Variants in APOA1 observed in about 807,000 individuals in gnomAD.
APOA1 encodes apolipoprotein A1.
A neutral mutation model predicts 25.9 loss-of-function variants in APOA1; 22 were observed. The observed-to-expected ratio is 0.85, with a 90% CI of 0.61 to 1.21. The LOEUF is 1.21. Ranked by LOEUF, APOA1 falls within the 50% of genes most tolerant of loss-of-function variation. The probability of loss-of-function intolerance (pLI) is 0.00; values close to 1 mark genes in which losing one functional copy is unlikely to be tolerated. For synonymous variants in APOA1, 163 were observed against 152.2 expected, an observed-to-expected ratio of 1.07 and a Z score of -0.52; for missense variants, 351 against 347.9, an observed-to-expected ratio of 1.01 and a Z score of -0.07.
chr11:116,836,975 C>T (rs1337709992), intron 3 of APOA1, 26 bp downstream of exon 3: 2 of 1,613,456 alleles, frequency 1.2e-6, no homozygotes, highest in Admixed American at 1.7e-5. Context: ...CCTACCCCTG[C>T]CCTCAACCCC....
intron 3 of APOA1, 55 bp from the exon 4 acceptor site, chr11:116,836,466 A>C: frequency 1.2e-6 from 2 of 1,605,952 alleles, no homozygotes; most frequent in South Asian, 2.2e-5. Context: ...CCAGCCTATC[A>C]GGGGTGAGCC....
intron 3 of APOA1, among the ~76,000 whole-genome samples, chr11:116,836,636 T>C (rs1171213586): frequency 6.6e-6 from 1 of 152,196 alleles, no homozygotes; most frequent in Admixed American, 6.5e-5. Flanking sequence ...CCCAGTTACG[T>C]TGGTCTCCAA....
At position 116,836,281 on chromosome 11, in the gene APOA1, T is replaced by C. The variant is rs1385641278; in HGVS notation, c.331A>G (p.Ser111Gly). 2 of 1,614,188 alleles carry C rather than the reference T, an allele frequency of 1.2e-6. No homozygotes were observed. The highest frequency in any genetic ancestry group is 1.1e-5 in the South Asian group (1 of 91,082). Residue 111 changes from serine to glycine, a missense_variant, in exon 4 of 4, where the codon AGC becomes GGC. By Grantham distance (56) the Ser-to-Gly change is moderately conservative. Transcript: ENST00000236850. Reference sequence around the variant, plus strand: ...GCCTTCACCTCCTCCAGATCCTTGCTCATCTCCTGCCTCAGGCCCTCTGTC... The same window carrying C: ...GCCTTCACCTCCTCCAGATCCTTGCCCATCTCCTGCCTCAGGCCCTCTGTC... ...KETEGLRQEMSKDLEEVKAKV... is the reference protein window; with the variant it reads ...KETEGLRQEMGKDLEEVKAKV...
intron 1 of APOA1, 98 bp downstream of exon 1, chr11:116,837,507 G>A (rs1305341410): frequency 1.6e-6 from 2 of 1,289,428 alleles, no homozygotes; most frequent in East Asian, 2.5e-5. Context: ...AGGGCACAGA[G>A]CGGGAGAAGA....
intron 3 of APOA1, 135 bp downstream of exon 3, chr11:116,836,866 C>G: frequency 9.8e-7 from 1 of 1,024,710 alleles, no homozygotes; most frequent in Non-Finnish European, 1.5e-6. Context: ...GATCCCATTC[C>G]AGTTTCTCCA....
At position 116,837,417 on chromosome 11, in the gene APOA1, A is replaced by G. The variant is rs932789656; in HGVS notation, c.-20-10T>C. 3 of 1,553,436 alleles carry G rather than the reference A, an allele frequency of 1.9e-6. No homozygotes were observed. The highest frequency in any genetic ancestry group is 2.6e-6 in the Non-Finnish European group (3 of 1,148,092). On this transcript the variant is annotated splice_polypyrimidine_tract_variant and intron_variant, in intron 1 of 3. Coordinates refer to ENST00000236850, the MANE Select transcript of APOA1 (RefSeq NM_000039.3). ...AAGGGCCGTGGGGGACCTGGAGGAG[A>G]AGAAGGGCCTGGCTGAGTGGGGTGC...
chr11:116,837,306 C>A lies in APOA1; in HGVS notation c.43+39G>T, dbSNP rs763453815. ...GGGCCACGGGGATTTAGGGAGAAAGCCCCCCGATGGTTGGCTCCCTAGGTT... is the reference window on the plus strand; with the variant it reads ...GGGCCACGGGGATTTAGGGAGAAAGACCCCCGATGGTTGGCTCCCTAGGTT... On this transcript the variant is annotated intron_variant, in intron 2 of 3. Coordinates refer to ENST00000236850, the MANE Select transcript of APOA1 (RefSeq NM_000039.3). The A allele has an allele frequency of 1.9e-6, 3 of 1,580,910 alleles. No individual in the cohort carries two copies. In the South Asian group the frequency reaches 3.4e-5, roughly 18 times the overall value.
chr11:116,836,964 C>A, intron 3 of APOA1, 37 bp downstream of exon 3: 1 of 1,611,166 alleles, frequency 6.2e-7, no homozygotes, highest in Non-Finnish European at 8.5e-7. Flanking sequence ...GGCCTCTGCC[C>A]CCTACCCCTG....
At chr11:116,837,188 C>A in intron 2 of APOA1, 31 bp from the exon 3 acceptor site, 4 of 1,608,750 alleles carry the variant, frequency 2.5e-6, no homozygotes, top group Non-Finnish European at 3.4e-6. Context: ...CCAGATCAGG[C>A]CAGCTGTGGG....
At position 116,836,333 on chromosome 11, in the gene APOA1, C is replaced by T. The variant is rs763439449; in HGVS notation, c.279G>A (p.Gln93=). Residue 93 remains glutamine (Q), a synonymous_variant, in exon 4 of 4, where the codon CAG becomes CAA. Transcript: ENST00000236850. ...KLREQLGPVT[Q]EFWDNLEKET... The stretch of plus-strand genomic sequence containing the variant: ...CCTTTTCCAGGTTATCCCAGAACTC[C>T]TGGGTCACAGGGCCGAGCTGTTCGC... The T allele has an allele frequency of 6.2e-6, 10 of 1,614,084 alleles. No homozygotes were observed. In the Admixed American group the frequency reaches 1.7e-4, roughly 27 times the overall value.
Position 116,836,217 on chromosome 11 carries a change from C to T in APOA1, c.395G>A (p.Trp132Ter). 1 of 1,614,148 alleles carries T rather than the reference C, an allele frequency of 6.2e-7. No individual in the cohort carries two copies. The highest frequency in any genetic ancestry group is 8.5e-7 in the Non-Finnish European group (1 of 1,180,032). The change falls in exon 4 of 4, where the codon TGG becomes TAG. Residue 132 changes from tryptophan (W) to a stop codon, truncating the protein, a stop_gained. Transcript: ENST00000236850. LOFTEE classifies it high-confidence loss of function. ...QPYLDDFQKK[W>*]QEEMELYRQK... ...GCGGTAGAGCTCCATCTCCTCCTGC[C>T]ACTTCTTCTGGAAGTCGTCCAGGTA...
At chr11:116,836,484 A>G in intron 3 of APOA1, 73 bp from the exon 4 acceptor site, 2 of 1,588,650 alleles carry the variant, frequency 1.3e-6, no homozygotes, top group Non-Finnish European at 1.7e-6. Context: ...GCCCTGGGTG[A>G]CACCTGTCCG....
At position 116,836,063 on chromosome 11, in the gene APOA1, C is replaced by T. The variant is rs765859780; in HGVS notation, c.549G>A (p.Leu183=). The T allele has an allele frequency of 3.1e-6, 5 of 1,605,280 alleles. No homozygotes were observed. The highest frequency in any genetic ancestry group is 1.7e-6 in the Non-Finnish European group (2 of 1,178,384). ...RDRARAHVDA[L]RTHLAPYSDE... Reference sequence around the variant, plus strand: ...CGCTGTAGGGGGCCAGATGCGTGCGCAGCGCGTCCACATGGGCGCGCGCGC... The same window carrying T: ...CGCTGTAGGGGGCCAGATGCGTGCGTAGCGCGTCCACATGGGCGCGCGCGC... The change falls in exon 4 of 4, where the codon CTG becomes CTA. Residue 183 remains leucine, a synonymous_variant. Transcript: ENST00000236850.
chr11:116,837,438 G>A, intron 1 of APOA1, 31 bp from the exon 2 acceptor site: 1 of 1,549,284 alleles, frequency 6.5e-7, no homozygotes, highest in Non-Finnish European at 8.7e-7. Context: ...GGCTGAGTGG[G>A]GTGCCTTCAG....
In APOA1 at chr11:116,836,015, G is replaced by A. The variant is rs778443432; in HGVS notation, c.597C>T (p.Ala199=). The change falls in exon 4 of 4, where the codon GCC becomes GCT. Residue 199 remains alanine, a synonymous_variant. Transcript: ENST00000236850. ...TCTCCTTGAGAGCCTCAAGGCGCGC[G>A]GCCAAGCGCTGGCGCAGCTCGTCGC... ...PYSDELRQRL[A]ARLEALKENG... is the part of the protein sequence containing the mutation. 3 of 1,607,374 alleles carry A rather than the reference G, an allele frequency of 1.9e-6. No individual in the cohort carries two copies. The highest frequency in any genetic ancestry group is 1.1e-5 in the South Asian group (1 of 91,020).
rs1053396748 is a variant in APOA1, at chr11:116,837,245, G to C, written c.44-88C>G. Reference sequence around the variant, plus strand: ...CAAGCTTGGAGGTGGGGGAGAGGGGGCCAGTGAGAAACCTGCTGCCTCTGC... The same window carrying C: ...CAAGCTTGGAGGTGGGGGAGAGGGGCCCAGTGAGAAACCTGCTGCCTCTGC... On this transcript the variant is annotated intron_variant, in intron 2 of 3. Transcript: ENST00000236850. The C allele has an allele frequency of 1.8e-5, 29 of 1,579,088 alleles. No individual in the cohort carries two copies. In the Admixed American group the frequency reaches 3.5e-4, roughly 19 times the overall value.
Position 116,837,151 on chromosome 11 carries a change from TG to T in APOA1, c.49del (p.Gln17ArgfsTer19). ...ATCTTGCTGCCAGAAATGCCGAGCC[TG>T]GCTCCCTGAGGGTGGGAGGGGAGAC... Reference protein sequence around the residue: ...TLAVLFLTGSQARHFWQQDEP... With the variant: ...TLAVLFLTGSXARHFWQQDEP... On this transcript the variant is annotated frameshift_variant, in exon 3 of 4. Transcript: ENST00000236850. LOFTEE classifies it high-confidence loss of function. The T allele has an allele frequency of 1.2e-6, 2 of 1,612,134 alleles. No homozygotes were observed. The highest frequency in any genetic ancestry group is 1.7e-6 in the Non-Finnish European group (2 of 1,178,714).
intron 3 of APOA1, among the ~76,000 whole-genome samples, chr11:116,836,612 A>G (rs1279118707): frequency 6.6e-6 from 1 of 152,146 alleles, no homozygotes; most frequent in East Asian, 1.9e-4. Context: ...AAGGAGACAG[A>G]GCTGGGACTA....
In APOA1 at chr11:116,836,177, C is replaced by A. The variant is rs759104683; in HGVS notation, c.435G>T (p.Pro145=). Residue 145 remains proline (P), a synonymous_variant, in exon 4 of 4, where the codon CCG becomes CCT. Coordinates refer to ENST00000236850, the MANE Select transcript of APOA1 (RefSeq NM_000039.3). ...CGCCCTCTTGGAGCTCTGCGCGCAG[C>A]GGCTCCACCTTCTGGCGGTAGAGCT... is the stretch of plus-strand genomic sequence containing the variant. ...EMELYRQKVE[P]LRAELQEGAR... 6.2e-7 allele frequency: 1 copy of A among 1,613,628 alleles called. No homozygotes were observed. Among genetic ancestry groups the A allele is most frequent in the Non-Finnish European group, 8.5e-7 (1 of 1,180,026 alleles).
Sources: allele counts gnomAD v4.1 joint callset (sites outside exome capture counted in the v4.1 genomes callset), GRCh38; gene constraint gnomAD v4.1.1; transcripts MANE v1.5; gene names NCBI Gene and HGNC (gene_info 2026-07-23, HGNC 2026-07-21).